Variants in UXS1 observed in about 807,000 individuals in gnomAD.
The protein encoded by UXS1 is UDP-glucuronate decarboxylase 1.
Under a neutral mutation model 62.6 loss-of-function variants are expected in UXS1, and 33 were observed. The observed-to-expected ratio is 0.53, with a 90% CI of 0.40 to 0.70. The LOEUF (loss-of-function observed/expected upper bound fraction) is 0.70, where lower values mean the gene tolerates loss of function less well. Ranked by LOEUF, UXS1 falls within the 30% of genes least tolerant of loss-of-function variation. UXS1 has a pLI of 0.00. For missense variants in UXS1, 434 were observed against 556.3 expected (o/e 0.78, Z 2.21); for synonymous variants, 213 against 206.8 (o/e 1.03, Z -0.26).
At chr2:106,113,385 C>T (rs1678783438) in intron 9 of UXS1, among the ~76,000 whole-genome samples, 1 of 152,188 alleles carries the variant, frequency 6.6e-6, no homozygotes, top group African/African-American at 2.4e-5. Context: ...GAAAGAGAAA[C>T]ATACTGACAC....
At chr2:106,105,754 G>A (rs555541373) in intron 10 of UXS1, among the ~76,000 whole-genome samples, 36 of 152,334 alleles carry the variant, frequency 2.4e-4, no homozygotes, top group African/African-American at 7.7e-4. Context: ...TCACTGAGGC[G>A]GAGACGGCAA....
chr2:106,127,112 A>T (rs1184850042), intron 7 of UXS1, among the ~76,000 whole-genome samples: 3 of 152,174 alleles, frequency 2.0e-5, no homozygotes, highest in Non-Finnish European at 4.4e-5. Context: ...TCCCGGGGAT[A>T]TATGTATGCA....
intron 8 of UXS1, among the ~76,000 whole-genome samples, chr2:106,125,126 G>A (rs575643254): frequency 1.3e-5 from 2 of 152,234 alleles, no homozygotes; most frequent in East Asian, 1.9e-4. Flanking sequence ...AAACAAGCTC[G>A]TGGGTGTTCT....
intron 5 of UXS1, among the ~76,000 whole-genome samples, chr2:106,152,544 G>A (rs1001483150): frequency 7.3e-6 from 1 of 136,690 alleles, no homozygotes; most frequent in South Asian, 2.3e-4. Context: ...AAAAGAGAGA[G>A]AGAAAGGGAG....
intron 13 of UXS1, chr2:106,097,181 C>T (rs774422561): frequency 8.6e-6 from 4 of 466,570 alleles, no homozygotes; most frequent in African/African-American, 2.0e-5. Flanking sequence ...AGCATGACCC[C>T]GGTGTGAGAC....
At chr2:106,185,959 CTT>C (rs34673950) in intron 1 of UXS1, among the ~76,000 whole-genome samples, 149,169 of 152,296 alleles carry the variant, frequency 0.98, 73,115 homozygotes, top group South Asian at 1. Context: ...ATAAATATCT[CTT>C]GTTTCAAAGG....
intron 5 of UXS1, among the ~76,000 whole-genome samples, chr2:106,150,867 C>T (rs931486570): frequency 4.6e-5 from 7 of 152,230 alleles, no homozygotes; most frequent in African/African-American, 1.7e-4. Context: ...AGCCACAAGG[C>T]TGGGGCTCCC....
rs1173650652 is a variant in UXS1, at chr2:106,119,910, A to G, written c.759+3060T>C. Among the ~76,000 whole-genome samples the G allele has an allele frequency of 2.0e-5, 3 of 152,140 alleles. No individual in the cohort carries two copies. The East Asian group carries it at 5.8e-4, about 29-fold the overall frequency. ...CTTATGTTTGTCTCTAGATGGGATTATGCATAGCAATTTTTCTTTTTTCTT... is the reference window on the plus strand; with the variant it reads ...CTTATGTTTGTCTCTAGATGGGATTGTGCATAGCAATTTTTCTTTTTTCTT... On this transcript the variant is annotated intron_variant, in intron 9 of 14. Transcript: ENST00000283148.
chr2:106,155,090 G>A (rs991160451), intron 5 of UXS1, among the ~76,000 whole-genome samples: 4 of 152,112 alleles, frequency 2.6e-5, no homozygotes, highest in Admixed American at 1.3e-4. Context: ...CATTACAGTG[G>A]GGTGTGCACC....
At chr2:106,176,330 ACT>A (rs1305987338) in intron 1 of UXS1, among the ~76,000 whole-genome samples, 1 of 152,358 alleles carries the variant, frequency 6.6e-6, no homozygotes, top group Admixed American at 6.5e-5. Context: ...AGGTGGCACA[ACT>A]GAAATGTTTG....
chr2:106,140,824 T>C (rs1262448604), intron 6 of UXS1, among the ~76,000 whole-genome samples: 1 of 152,246 alleles, frequency 6.6e-6, no homozygotes, highest in Non-Finnish European at 1.5e-5. Flanking sequence ...AAGTTCCCGG[T>C]ACTGGTCTTC....
intron 4 of UXS1, among the ~76,000 whole-genome samples, chr2:106,158,677 G>A (rs1485336390): frequency 6.6e-6 from 1 of 152,206 alleles, no homozygotes; most frequent in African/African-American, 2.4e-5. Context: ...CGAGGTTAGA[G>A]TTATGGTAGG....
rs572540495 is a variant in UXS1, at chr2:106,191,413, T to G, written c.94+2735A>C. 1.2e-4 allele frequency among the ~76,000 whole-genome samples: 19 copies of G among 152,380 alleles called. No homozygotes were observed. In the East Asian group the frequency reaches 3.7e-3, roughly 29 times the overall value. ...AACACAGACATCACGGTTGAGGGACTACATTTTCAGTGTCCTTCGGTGTTA... is the reference window on the plus strand; with the variant it reads ...AACACAGACATCACGGTTGAGGGACGACATTTTCAGTGTCCTTCGGTGTTA... On this transcript the variant is annotated intron_variant, in intron 1 of 14. Coordinates refer to ENST00000283148, the MANE Select transcript of UXS1 (RefSeq NM_001253875.2).
intron 8 of UXS1, among the ~76,000 whole-genome samples, chr2:106,124,897 T>C (rs1679802553): frequency 6.6e-6 from 1 of 152,222 alleles, no homozygotes; most frequent in Non-Finnish European, 1.5e-5. Context: ...TTTACCCTCT[T>C]ACTTCCTTCT....
intron 1 of UXS1, chr2:106,166,608 C>G (rs993929610): frequency 1.3e-5 from 2 of 153,722 alleles, no homozygotes; most frequent in African/African-American, 4.8e-5. Flanking sequence ...TCACATGGCT[C>G]ACACTGCTCT....
At chr2:106,171,480 G>A (rs1018964321) in intron 1 of UXS1, among the ~76,000 whole-genome samples, 1 of 152,182 alleles carries the variant, frequency 6.6e-6, no homozygotes, top group African/African-American at 2.4e-5. Context: ...GTGTTCACAG[G>A]TCTCAAGGTC....
At position 106,194,276 on chromosome 2, in the gene UXS1, G is replaced by T; in HGVS notation, c.-35C>A. On this transcript the variant is annotated 5_prime_UTR_variant, in exon 1 of 15. Transcript: ENST00000283148. Reference sequence around the variant, plus strand: ...CCGCGCGGGTCCAGGGCCCTACCGCGCGGGGGCCCGCCTGCTGCACAATGC... The same window carrying T: ...CCGCGCGGGTCCAGGGCCCTACCGCTCGGGGGCCCGCCTGCTGCACAATGC... 2 of 1,218,964 alleles carry T rather than the reference G, an allele frequency of 1.6e-6. No homozygotes were observed. The highest frequency in any genetic ancestry group is 1.0e-6 in the Non-Finnish European group (1 of 960,838). The allele number at this position is 1,218,964 out of a possible 1,614,324, so 75.5% of individuals were successfully genotyped here. A position where few individuals can be genotyped will look rare whatever the true frequency, so the allele number is the denominator to read the frequency against.
intron 1 of UXS1, among the ~76,000 whole-genome samples, chr2:106,180,526 G>A (rs1418088777): frequency 6.6e-6 from 1 of 152,152 alleles, no homozygotes; most frequent in African/African-American, 2.4e-5. Flanking sequence ...CTTAGAGCTG[G>A]AAATAAGATA....
intron 1 of UXS1, among the ~76,000 whole-genome samples, chr2:106,184,610 C>T (rs570906301): frequency 1.3e-5 from 2 of 152,314 alleles, no homozygotes; most frequent in South Asian, 4.2e-4. Context: ...TGTATCCTCA[C>T]ATGGTGGAAG....
Sources: gnomAD v4.1 joint callset for allele counts (sites outside exome capture counted in the v4.1 genomes callset) on GRCh38, gnomAD v4.1.1 for gene constraint, MANE v1.5 for transcripts, NCBI Gene and HGNC (gene_info 2026-07-23, HGNC 2026-07-21) for gene names.